The following KYAT1 variants were observed in gnomAD, a reference collection of about 807,000 sequenced individuals.
KYAT1 encodes the protein kynurenine--oxoglutarate transaminase 1.
In KYAT1, 47 loss-of-function variants were observed where a neutral mutation model predicts 52.4. The observed-to-expected ratio is 0.90, with a 90% confidence interval of 0.71 to 1.14. KYAT1 has a LOEUF of 1.14. Ranked by LOEUF, KYAT1 falls within the 50% of genes most tolerant of loss-of-function variation. KYAT1 has a pLI of 0.00. For synonymous variants in KYAT1, 212 were observed against 209.6 expected (o/e 1.01, Z -0.10); for missense variants, 480 against 557.9 (o/e 0.86, Z 1.41).
Position 128,833,579 on chromosome 9 carries a change from C to T in KYAT1, c.*5G>A. The T allele has an allele frequency of 1.9e-6, 3 of 1,614,122 alleles. No homozygotes were observed. In the South Asian group the frequency reaches 3.3e-5, roughly 18 times the overall value. On this transcript the variant is annotated 3_prime_UTR_variant, in exon 13 of 13. Transcript: ENST00000302586. ...GGATGTCAGGGCCAAGGCGTGACTT[C>T]AGGGCTAGAGTTCCACCTTCCACTT...
chr9:128,867,927 C>T (rs1329865246), intron 1 of KYAT1, among the ~76,000 whole-genome samples: 1 of 152,020 alleles, frequency 6.6e-6, no homozygotes, highest in Non-Finnish European at 1.5e-5. Flanking sequence ...TGCCCACCAC[C>T]ACGCCCAGCT....
At chr9:128,842,975 T>C (rs1230518732) in intron 2 of KYAT1, among the ~76,000 whole-genome samples, 174 bp from the exon 3 acceptor site, 8 of 152,176 alleles carry the variant, frequency 5.3e-5, no homozygotes. Flanking sequence ...GAGACCAGCC[T>C]GGCCAACATG....
At chr9:128,873,000 C>T (rs776361581) in intron 1 of KYAT1, among the ~76,000 whole-genome samples, 14 of 147,062 alleles carry the variant, frequency 9.5e-5, no homozygotes, top group Non-Finnish European at 1.5e-4. Flanking sequence ...TGCTTGAACC[C>T]GGGAGGCAAA....
intron 5 of KYAT1, 80 bp from the exon 6 acceptor site, chr9:128,837,893 T>C: frequency 6.4e-7 from 1 of 1,556,104 alleles, no homozygotes; most frequent in South Asian, 1.1e-5. Context: ...CCCCACCTTC[T>C]CTCCCCTGGG....
chr9:128,881,623 T>C (rs1838921899), intron 1 of KYAT1, among the ~76,000 whole-genome samples: 3 of 151,948 alleles, frequency 2.0e-5, no homozygotes, highest in Admixed American at 2.0e-4. Flanking sequence ...TGTCCAGAAT[T>C]CTGTTGTCTC....
chr9:128,840,840 A>G (rs987953862), intron 3 of KYAT1, among the ~76,000 whole-genome samples: 4 of 152,158 alleles, frequency 2.6e-5, no homozygotes, highest in Non-Finnish European at 4.4e-5. Flanking sequence ...ATAGGCACAC[A>G]CTGTTTCTTA....
At chr9:128,862,570 A>T (rs1442098755) in intron 1 of KYAT1, among the ~76,000 whole-genome samples, 1 of 152,234 alleles carries the variant, frequency 6.6e-6, no homozygotes, top group East Asian at 1.9e-4. Flanking sequence ...GCCCTGCCCC[A>T]GCCTTGGCCC....
At chr9:128,846,360 G>A (rs1833090972) in intron 1 of KYAT1, among the ~76,000 whole-genome samples, 1 of 152,060 alleles carries the variant, frequency 6.6e-6, no homozygotes, top group African/African-American at 2.4e-5. Context: ...AACCTGGGAG[G>A]CAGACATTGC....
intron 1 of KYAT1, among the ~76,000 whole-genome samples, chr9:128,863,826 G>A (rs2130704566): frequency 6.6e-6 from 1 of 152,284 alleles, no homozygotes; most frequent in African/African-American, 2.4e-5. Flanking sequence ...GCCCCAGGAG[G>A]GGACTACGCC....
intron 3 of KYAT1, chr9:128,841,920 C>T (rs1832258097): frequency 1.3e-5 from 2 of 149,986 alleles, no homozygotes; most frequent in South Asian, 4.0e-4. Context: ...CAGGAAATGG[C>T]ATATCATGTG....
intron 1 of KYAT1, among the ~76,000 whole-genome samples, chr9:128,850,661 C>A (rs1488693665): frequency 6.6e-6 from 1 of 152,174 alleles, no homozygotes; most frequent in Non-Finnish European, 1.5e-5. Context: ...CAGCCCAACA[C>A]CTGTAAAGGG....
intron 1 of KYAT1, among the ~76,000 whole-genome samples, chr9:128,861,410 G>A (rs866293342): frequency 5.9e-5 from 9 of 152,166 alleles, no homozygotes; most frequent in African/African-American, 1.9e-4. Context: ...TGAAGAACGT[G>A]TTTGCTTCCC....
intron 1 of KYAT1, among the ~76,000 whole-genome samples, chr9:128,857,256 G>A (rs1257614913): frequency 6.6e-6 from 1 of 152,098 alleles, no homozygotes; most frequent in Non-Finnish European, 1.5e-5. Flanking sequence ...CATTCCTCTT[G>A]CTGAGATAAT....
At chr9:128,835,718 G>A (rs891529483) in intron 9 of KYAT1, 51 bp from the exon 10 acceptor site, 1 of 1,603,572 alleles carries the variant, frequency 6.2e-7, no homozygotes, top group Admixed American at 1.7e-5. Context: ...CCTGACGCGG[G>A]GGCCAGCCTG....
intron 1 of KYAT1, among the ~76,000 whole-genome samples, chr9:128,869,487 T>C (rs1002630377): frequency 1.3e-5 from 2 of 152,210 alleles, no homozygotes; most frequent in Non-Finnish European, 2.9e-5. Context: ...GAGGAAAGAA[T>C]AGTCTCTTCA....
At chr9:128,881,533 G>C (rs1838902771) in intron 1 of KYAT1, among the ~76,000 whole-genome samples, 1 of 152,138 alleles carries the variant, frequency 6.6e-6, no homozygotes, top group East Asian at 1.9e-4. Flanking sequence ...ACTGTTATCA[G>C]CCAGGGAATT....
At chr9:128,847,425 G>A (rs1588085366) in intron 1 of KYAT1, 4 of 1,529,048 alleles carry the variant, frequency 2.6e-6, no homozygotes, top group East Asian at 4.9e-5. Context: ...TGGGGTTAGG[G>A]CACTTACAGT....
At chr9:128,852,036 C>T (rs1282702594) in intron 1 of KYAT1, among the ~76,000 whole-genome samples, 1 of 152,094 alleles carries the variant, frequency 6.6e-6, no homozygotes, top group Non-Finnish European at 1.5e-5. Context: ...AATTCAGACT[C>T]GCCCTGCAGT....
At chr9:128,837,559 T>C (rs1831338582) in intron 6 of KYAT1, 126 bp downstream of exon 6, 2 of 1,109,868 alleles carry the variant, frequency 1.8e-6, no homozygotes, top group South Asian at 3.0e-5. Context: ...TGGTCCTCAG[T>C]GCTCATTGTG....
Sources: allele counts gnomAD v4.1 joint callset (sites outside exome capture counted in the v4.1 genomes callset), GRCh38; gene constraint gnomAD v4.1.1; transcripts MANE v1.5; gene names NCBI Gene and HGNC (gene_info 2026-07-23, HGNC 2026-07-21).